Variants in TRRAP observed in about 807,000 individuals in gnomAD.
TRRAP encodes the protein transformation/transcription domain-associated protein.
In TRRAP, 41 loss-of-function variants were observed where a neutral mutation model predicts 438.8. The observed-to-expected ratio is 0.09, with a 90% CI of 0.07 to 0.12. The LOEUF is 0.12. Ranked by LOEUF, TRRAP falls within the 10% of genes least tolerant of loss-of-function variation. The pLI, the probability that TRRAP is intolerant of heterozygous loss-of-function variation, is 1.00. For missense variants in TRRAP, 3,122 were observed against 5,055.1 expected, an observed-to-expected ratio of 0.62 and a Z score of 11.60; for synonymous variants, 1,994 against 1,962.9, an observed-to-expected ratio of 1.02 and a Z score of -0.42.
At chr7:98,898,946 G>A (rs1411128563) in intron 8 of TRRAP, among the ~76,000 whole-genome samples, 2 of 152,266 alleles carry the variant, frequency 1.3e-5, no homozygotes, top group African/African-American at 2.4e-5. Context: ...CCAGCACTTC[G>A]GGAGACCAAG....
At chr7:98,931,708 T>C in intron 26 of TRRAP, 43 bp downstream of exon 26, 1 of 1,585,992 alleles carries the variant, frequency 6.3e-7, no homozygotes, top group Non-Finnish European at 8.6e-7. Context: ...TCAACAAAAC[T>C]TTTGAGCCTT....
chr7:98,881,956 C>G lies in TRRAP; in HGVS notation c.101-19C>G. The G allele has an allele frequency of 1.3e-6, 2 of 1,595,644 alleles. No individual in the cohort carries two copies. The highest frequency in any genetic ancestry group is 1.7e-6 in the Non-Finnish European group (2 of 1,175,404). ...TTAACATAATTTCAATTACCTGATGCTTGTTTTGCCGTTCACAGCTGATGA... is the reference window on the plus strand; with the variant it reads ...TTAACATAATTTCAATTACCTGATGGTTGTTTTGCCGTTCACAGCTGATGA... On this transcript the variant is annotated intron_variant, in intron 2 of 72. Transcript: ENST00000456197.
intron 1 of TRRAP, among the ~76,000 whole-genome samples, chr7:98,880,117 G>A (rs1384493835): frequency 1.3e-5 from 2 of 152,154 alleles, no homozygotes; most frequent in East Asian, 1.9e-4. Flanking sequence ...TGCCCGTCAC[G>A]TAACCACAGT....
chr7:98,893,962 T>A, intron 6 of TRRAP, 81 bp downstream of exon 6: 1 of 1,324,910 alleles, frequency 7.5e-7, no homozygotes, highest in Non-Finnish European at 1.1e-6. Context: ...GTCTCAAAGT[T>A]GGCTGAACAC....
intron 39 of TRRAP, 86 bp from the exon 40 acceptor site, chr7:98,953,077 GTGTT>G (rs1383384751): frequency 1.7e-4 from 98 of 564,762 alleles, no homozygotes; most frequent in East Asian, 1.1e-3. Context: ...GTGTGTGTGT[GTGTT>G]TTTAAGGCTT....
intron 28 of TRRAP, 75 bp from the exon 29 acceptor site, chr7:98,937,081 A>G: frequency 6.7e-7 from 1 of 1,485,660 alleles, no homozygotes; most frequent in Non-Finnish European, 9.0e-7. Context: ...ATAATAATAA[A>G]TAAATACAGA....
At chr7:98,988,681 C>T (rs768084332) in intron 62 of TRRAP, 84 bp from the exon 63 acceptor site, 232 of 1,492,532 alleles carry the variant, frequency 1.6e-4, no homozygotes, top group Non-Finnish European at 2.0e-4. Context: ...CCGCAGTGTT[C>T]ATTTTATAAT....
chr7:98,913,829 T>C (rs1248541101), intron 18 of TRRAP, among the ~76,000 whole-genome samples: 1 of 152,190 alleles, frequency 6.6e-6, no homozygotes, highest in Non-Finnish European at 1.5e-5. Flanking sequence ...TCCATAGTTA[T>C]ATTACTAAAA....
In TRRAP at chr7:99,011,741, C is replaced by T. The variant is rs1363739065; in HGVS notation, c.11337+206C>T. ...TCTTGTCTGTAGTGCTTGGAACGGGCCTGCCTGACACTCGGCAGATGCCGG... is the reference window on the plus strand; with the variant it reads ...TCTTGTCTGTAGTGCTTGGAACGGGTCTGCCTGACACTCGGCAGATGCCGG... On this transcript the variant is annotated intron_variant, in intron 72 of 72. Transcript: ENST00000456197. The surrounding 1 kb of genome is among the most constrained non-coding windows in gnomAD (Gnocchi z 7.1). Among the ~76,000 whole-genome samples the T allele has an allele frequency of 6.6e-6, 1 of 152,226 alleles. No individual in the cohort carries two copies. Among genetic ancestry groups the T allele is most frequent in the Non-Finnish European group, 1.5e-5 (1 of 68,052 alleles).
chr7:98,908,869 C>T lies in TRRAP; in HGVS notation c.1257C>T (p.Ser419=), dbSNP rs1554408008. 6.2e-7 allele frequency: 1 copy of T among 1,613,902 alleles called. No individual in the cohort carries two copies. Among genetic ancestry groups the T allele is most frequent in the Non-Finnish European group, 8.5e-7 (1 of 1,179,968 alleles). ...TGCCCAGCAGCATCCAGACCATGTC[C>T]TGCAAGCTCCTGCTGAACCTGGTGG... ...ESLPSSIQTM[S]CKLLLNLVDC... Residue 419 remains serine (S), a synonymous_variant, in exon 14 of 73, where the codon TCC becomes TCT. Coordinates refer to ENST00000456197, the MANE Select transcript of TRRAP (RefSeq NM_001375524.1). The surrounding 1 kb of genome is among the most constrained non-coding windows in gnomAD (Gnocchi z 4.1).
chr7:98,946,285 A>G (rs920688574), intron 33 of TRRAP, among the ~76,000 whole-genome samples: 211 of 152,238 alleles, frequency 1.4e-3, no homozygotes, highest in Admixed American at 2.6e-3. Flanking sequence ...AAACTCACAC[A>G]GAGTATATTG....
intron 63 of TRRAP, among the ~76,000 whole-genome samples, chr7:98,989,505 A>AC: frequency 6.6e-6 from 1 of 152,180 alleles, no homozygotes; most frequent in East Asian, 1.9e-4. Context: ...GACAAATAAA[A>AC]CCCAGAATTA....
At chr7:98,933,892 T>TAA (rs1428338288) in intron 27 of TRRAP, among the ~76,000 whole-genome samples, 11 of 152,186 alleles carry the variant, frequency 7.2e-5, no homozygotes, top group Non-Finnish European at 1.2e-4. Context: ...AACTGAGGCT[T>TAA]AGAGTTTGCT....
intron 51 of TRRAP, among the ~76,000 whole-genome samples, chr7:98,969,537 A>G (rs1792312948): frequency 1.3e-5 from 2 of 152,202 alleles, no homozygotes; most frequent in African/African-American, 4.8e-5. Flanking sequence ...CAGGGCCCCC[A>G]TGGCACCCAG....
chr7:98,948,183 T>A lies in TRRAP; in HGVS notation c.4549-38T>A, dbSNP rs2116602804. 1 of 1,612,290 alleles carries A rather than the reference T, an allele frequency of 6.2e-7. No individual in the cohort carries two copies. Among genetic ancestry groups the A allele is most frequent in the Non-Finnish European group, 8.5e-7 (1 of 1,179,956 alleles). ...CGTTGACCTCTGTCACTTGCAAAAT[T>A]AATCGACCTGTTTATAATTTCTGGT... On this transcript the variant is annotated intron_variant, in intron 33 of 72. Coordinates refer to ENST00000456197, the MANE Select transcript of TRRAP (RefSeq NM_001375524.1). This position sits in a 1 kb window ranked among gnomAD's most constrained non-coding sequence, Gnocchi z 4.9.
chr7:98,956,881 C>T lies in TRRAP; in HGVS notation c.6231+348C>T, dbSNP rs1453320705. Among the ~76,000 whole-genome samples the T allele has an allele frequency of 1.3e-5, 2 of 152,134 alleles. No homozygotes were observed. Among genetic ancestry groups the T allele is most frequent in the Non-Finnish European group, 2.9e-5 (2 of 68,024 alleles). ...TGAGAAGGACATGTGTTCTGTTTCA[C>T]GAGGCAGCCACCAAGAGGGTCCTGG... On this transcript the variant is annotated intron_variant, in intron 43 of 72. Coordinates refer to ENST00000456197, the MANE Select transcript of TRRAP (RefSeq NM_001375524.1). The surrounding 1 kb of genome is among the most constrained non-coding windows in gnomAD (Gnocchi z 4.5).
At chr7:98,884,166 C>T (rs936103887) in intron 3 of TRRAP, among the ~76,000 whole-genome samples, 2 of 152,144 alleles carry the variant, frequency 1.3e-5, no homozygotes, top group South Asian at 2.1e-4. Flanking sequence ...GGTCTTTGCA[C>T]GCTGGCTAGG....
intron 30 of TRRAP, among the ~76,000 whole-genome samples, chr7:98,939,170 A>G (rs1790684375): frequency 1.3e-5 from 2 of 152,220 alleles, no homozygotes; most frequent in African/African-American, 2.4e-5. Context: ...ATGTTTCCCA[A>G]GTAGCCTTTG....
chr7:99,004,555 T>A, intron 68 of TRRAP, 140 bp downstream of exon 68: 1 of 781,670 alleles, frequency 1.3e-6, no homozygotes, highest in Non-Finnish European at 2.0e-6. Flanking sequence ...GATTCTGGAA[T>A]GTAAGTGGTC....
Sources: allele counts gnomAD v4.1 joint callset (sites outside exome capture counted in the v4.1 genomes callset), GRCh38; gene constraint gnomAD v4.1.1; non-coding constraint Gnocchi (gnomAD v3.1); transcripts MANE v1.5; gene names NCBI Gene and HGNC (gene_info 2026-07-23, HGNC 2026-07-21).